The following CDH7 variants were observed in gnomAD, a reference collection of about 807,000 sequenced individuals.
CDH7 encodes the protein cadherin 7.
In CDH7, 25 loss-of-function variants were observed where a neutral mutation model predicts 71.8. That is an observed-to-expected ratio of 0.35 (90% CI 0.25 to 0.49). The LOEUF is 0.49. CDH7 is among the 20% of genes least tolerant of loss of function. The pLI is 0.99. For missense variants in CDH7, 862 were observed against 974.6 expected (o/e 0.88, Z 1.54); for synonymous variants, 381 against 363.8 (o/e 1.05, Z -0.54).
chr18:65,877,762 C>T (rs1029396191), intron 11 of CDH7, among the ~76,000 whole-genome samples: 11 of 152,122 alleles, frequency 7.2e-5, no homozygotes, highest in Non-Finnish European at 1.2e-4. Context: ...CTTTCTACTA[C>T]AATTGCTTTC....
At chr18:65,775,064 A>G (rs1909886399) in intron 2 of CDH7, among the ~76,000 whole-genome samples, 1 of 152,198 alleles carries the variant, frequency 6.6e-6, no homozygotes, top group African/African-American at 2.4e-5. Context: ...TTAGAAAAGT[A>G]AGATGGAAAG....
intron 2 of CDH7, among the ~76,000 whole-genome samples, chr18:65,772,623 C>T (rs1463537073): frequency 6.6e-6 from 1 of 152,000 alleles, no homozygotes; most frequent in Non-Finnish European, 1.5e-5. Context: ...ATACATAAGG[C>T]TTATAATGAA....
At chr18:65,781,938 C>CTT (rs1568181957) in intron 2 of CDH7, among the ~76,000 whole-genome samples, 5 of 53,386 alleles carry the variant, frequency 9.4e-5, no homozygotes, top group African/African-American at 9.1e-4. Context: ...CTCTCTCTCT[C>CTT]TCTCTCTTTC....
rs911254237 is a variant in CDH7, at chr18:65,889,238, A to G, written c.*8344A>G. 1.8e-4 allele frequency: 27 copies of G among 152,160 alleles called. 1 individual carries two copies. Among genetic ancestry groups the G allele is most frequent in the African/African-American group, 6.3e-4 (26 of 41,442 alleles). The allele number at this position is 152,160 out of a possible 1,614,324, so 9.4% of individuals were successfully genotyped here. A position where few individuals can be genotyped will look rare whatever the true frequency, so the allele number is the denominator to read the frequency against. ...TAGTTGGCACACAAGGGTAGGAGAA[A>G]AATCCCAACAACCCTTCCACCTTTT... On this transcript the variant is annotated 3_prime_UTR_variant, in exon 12 of 12. Coordinates refer to ENST00000397968, the MANE Select transcript of CDH7 (RefSeq NM_004361.5).
chr18:65,867,069 T>C (rs976069716), intron 11 of CDH7, among the ~76,000 whole-genome samples: 2 of 148,590 alleles, frequency 1.3e-5, no homozygotes, highest in Non-Finnish European at 3.0e-5. Context: ...AGGGTCTTGC[T>C]CTTTCACCCA....
In CDH7 at chr18:65,844,107, A is replaced by G. The variant is rs755212930; in HGVS notation, c.1235+42A>G. On this transcript the variant is annotated intron_variant, in intron 7 of 11. Transcript: ENST00000397968. The stretch of plus-strand genomic sequence containing the variant: ...GTCCTTTTCTATGGTTTTACAAACA[A>G]TGCATTCTTGTTCACAACTCTTATT... 20 of 1,579,398 alleles carry G rather than the reference A, an allele frequency of 1.3e-5. No individual in the cohort carries two copies. In the Admixed American group the frequency reaches 3.4e-4, roughly 27 times the overall value.
In CDH7 at chr18:65,885,391, T is replaced by TTTTTTTTTTTTTTTTTTTTTTC; in HGVS notation, c.*4501_*4502insTTTTTTTTTTTTTTTTTCTTTT. ...GCCTGTGTTTTTTTTTTTTTTTTTT[T>TTTTTTTTTTTTTTTTTTTTTTC]TTTTGACGTGGAGTCTCGCTCTGTC... On this transcript the variant is annotated 3_prime_UTR_variant, in exon 12 of 12. Coordinates refer to ENST00000397968, the MANE Select transcript of CDH7 (RefSeq NM_004361.5). The TTTTTTTTTTTTTTTTTTTTTTC allele has an allele frequency of 7.3e-6, 1 of 137,268 alleles. No homozygotes were observed. The highest frequency in any genetic ancestry group is 1.6e-5 in the Non-Finnish European group (1 of 63,676). The allele number at this position is 137,268 out of a possible 1,614,324, so 8.5% of individuals were successfully genotyped here.
intron 2 of CDH7, among the ~76,000 whole-genome samples, chr18:65,796,034 T>C (rs1407188981): frequency 6.6e-6 from 1 of 152,170 alleles, no homozygotes; most frequent in Admixed American, 6.5e-5. Flanking sequence ...TTAAACCTTT[T>C]TTAAAATAAA....
chr18:65,851,739 C>T (rs2628250), intron 7 of CDH7, among the ~76,000 whole-genome samples: 147,376 of 152,284 alleles, frequency 0.97, 71,478 homozygotes, highest in East Asian at 1. Context: ...AGAATTCATC[C>T]TGTAAAACTT....
chr18:65,887,182 G>A lies in CDH7; in HGVS notation c.*6288G>A, dbSNP rs916106329. On this transcript the variant is annotated 3_prime_UTR_variant, in exon 12 of 12. Transcript: ENST00000397968. ...ACAGCTTCATGTTCTAATTTTGTGA[G>A]TATAAACCCTATGTTTTTGTATATC... 5 of 152,048 alleles carry A rather than the reference G, an allele frequency of 3.3e-5. No individual in the cohort carries two copies. Among genetic ancestry groups the A allele is most frequent in the Non-Finnish European group, 4.4e-5 (3 of 67,998 alleles). The allele number at this position is 152,048 out of a possible 1,614,324, so 9.4% of individuals were successfully genotyped here. A position where few individuals can be genotyped will look rare whatever the true frequency, so the allele number is the denominator to read the frequency against.
At chr18:65,771,774 G>A (rs1046801433) in intron 2 of CDH7, among the ~76,000 whole-genome samples, 2 of 152,120 alleles carry the variant, frequency 1.3e-5, no homozygotes, top group African/African-American at 4.8e-5. Flanking sequence ...CAGGCCAAGA[G>A]CCTGAGAATT....
At chr18:65,782,022 CTT>C (rs1358804155) in intron 2 of CDH7, among the ~76,000 whole-genome samples, 2 of 85,392 alleles carry the variant, frequency 2.3e-5, no homozygotes, top group South Asian at 4.5e-4. Context: ...TTCTCTCTCT[CTT>C]TCTCCCTTCC....
chr18:65,854,722 CAA>C (rs1913286732), intron 7 of CDH7, among the ~76,000 whole-genome samples: 2 of 151,882 alleles, frequency 1.3e-5, no homozygotes, highest in African/African-American at 4.8e-5. Context: ...AGAGATTTGA[CAA>C]AGAGAGCAAT....
In CDH7 at chr18:65,843,914, A is replaced by G. The variant is rs572347984; in HGVS notation, c.1084A>G (p.Thr362Ala). 19 of 1,608,658 alleles carry G rather than the reference A, an allele frequency of 1.2e-5. No individual in the cohort carries two copies. The highest frequency in any genetic ancestry group is 9.9e-5 in the South Asian group (9 of 90,846). Residue 362 changes from threonine (T) to alanine (A), a missense_variant, in exon 7 of 12, where the codon ACA (threonine) becomes GCA (alanine). Physicochemically the swap from Thr to Ala is moderately conservative, Grantham distance 58. Transcript: ENST00000397968. ...FLSLGPFSDT[T>A]TVKIIVEDVD... is the part of the protein sequence containing the mutation. ...GAGCTTGGGTCCGTTCAGTGACACG[A>G]CAACTGTGAAGATAATTGTGGAAGA...
rs773605077 is a variant in CDH7 at position 65,809,655 on chromosome 18, C to G, written c.211-49C>G. ...GAATTATTTTTACATATCTCCATAT[C>G]ACTGACTCTCTTGTAAGTTAATCTC... is the stretch of plus-strand genomic sequence containing the variant. On this transcript the variant is annotated intron_variant, in intron 2 of 11. Coordinates refer to ENST00000397968, the MANE Select transcript of CDH7 (RefSeq NM_004361.5). 6.1e-6 allele frequency: 9 copies of G among 1,464,282 alleles called. No homozygotes were observed. In the East Asian group the frequency reaches 1.4e-4, roughly 22 times the overall value. 90.7% of individuals were successfully genotyped at this position (1,464,282 alleles called of 1,614,324 possible). A position where few individuals can be genotyped will look rare whatever the true frequency, so the allele number is the denominator to read the frequency against.
chr18:65,850,812 TC>T (rs1913123980), intron 7 of CDH7, among the ~76,000 whole-genome samples: 1 of 147,746 alleles, frequency 6.8e-6, no homozygotes, highest in South Asian at 2.1e-4. Context: ...TCATTTTTAT[TC>T]TTTTTTTTTT....
At chr18:65,777,281 T>C (rs780774573) in intron 2 of CDH7, among the ~76,000 whole-genome samples, 1 of 152,092 alleles carries the variant, frequency 6.6e-6, no homozygotes, top group Non-Finnish European at 1.5e-5. Flanking sequence ...AAAATAATTA[T>C]GTTGGTTGAC....
intron 3 of CDH7, among the ~76,000 whole-genome samples, chr18:65,811,922 A>C (rs192154023): frequency 9.9e-5 from 15 of 151,252 alleles, no homozygotes; most frequent in African/African-American, 3.6e-4. Context: ...AAGTGTGCAC[A>C]ATAGTCATGC....
At chr18:65,833,805 A>G (rs1435513772) in intron 6 of CDH7, among the ~76,000 whole-genome samples, 2 of 152,192 alleles carry the variant, frequency 1.3e-5, no homozygotes, top group Non-Finnish European at 2.9e-5. Flanking sequence ...ACATGTCGAC[A>G]TGTTTGACCT....
Sources: allele counts gnomAD v4.1 joint callset (sites outside exome capture counted in the v4.1 genomes callset), GRCh38; gene constraint gnomAD v4.1.1; transcripts MANE v1.5; gene names NCBI Gene and HGNC (gene_info 2026-07-23, HGNC 2026-07-21).